NAALADL2: variants seen among roughly 807,000 people sequenced by gnomAD.
NAALADL2 encodes the protein N-acetylated alpha-linked acidic dipeptidase like 2.
NAALADL2 carries 76 observed loss-of-function variants against 87.2 expected under a neutral mutation model. The ratio of observed to expected loss-of-function variants is 0.87; its 90% CI spans 0.72 to 1.05. NAALADL2 has a LOEUF of 1.05. Ranked by LOEUF, NAALADL2 falls within the 50% of genes least tolerant of loss-of-function variation. The probability of loss-of-function intolerance (pLI) is 0.00; values close to 1 mark genes in which losing one functional copy is unlikely to be tolerated. For synonymous variants in NAALADL2, 354 were observed against 331.0 expected (o/e 1.07, Z -0.75); for missense variants, 1,089 against 945.8 (o/e 1.15, Z -1.99).
intron 1 of NAALADL2, chr3:174,513,373 T>A (rs1054411952): frequency 2.0e-5 from 3 of 152,318 alleles, no homozygotes; most frequent in African/African-American, 7.2e-5. Flanking sequence ...TTTTCACCAG[T>A]ACATACCAAT....
intron 2 of NAALADL2, among the ~76,000 whole-genome samples, chr3:174,713,443 C>G (rs925086699): frequency 1.3e-5 from 2 of 152,156 alleles, no homozygotes; most frequent in Non-Finnish European, 2.9e-5. Context: ...GTTCCTATTT[C>G]TCCACATCCT....
intron 5 of NAALADL2, among the ~76,000 whole-genome samples, chr3:175,381,500 C>G: frequency 6.6e-6 from 1 of 152,024 alleles, no homozygotes; most frequent in Middle Eastern, 3.5e-3. Context: ...TAATAATCTT[C>G]TTAAATTATT....
At chr3:175,511,481 A>T (rs1161177369) in intron 9 of NAALADL2, among the ~76,000 whole-genome samples, 1 of 152,244 alleles carries the variant, frequency 6.6e-6, no homozygotes, top group Non-Finnish European at 1.5e-5. Context: ...CAGTAAGAAG[A>T]GAGCCATCTG....
At chr3:175,385,691 A>G (rs941377330) in intron 5 of NAALADL2, among the ~76,000 whole-genome samples, 4 of 152,196 alleles carry the variant, frequency 2.6e-5, no homozygotes, top group African/African-American at 7.2e-5. Flanking sequence ...AATTACCTTG[A>G]TTTGAGTATA....
At chr3:175,250,621 C>T (rs1419193952) in intron 3 of NAALADL2, among the ~76,000 whole-genome samples, 1 of 152,112 alleles carries the variant, frequency 6.6e-6, no homozygotes, top group African/African-American at 2.4e-5. Context: ...CCCATTGTTC[C>T]TTCCAATGAA....
chr3:174,536,623 C>A (rs1049078171), intron 1 of NAALADL2: 1 of 152,164 alleles, frequency 6.6e-6, no homozygotes, highest in Non-Finnish European at 1.5e-5. Context: ...TGTTTTAGAT[C>A]TCCCAGCTGG....
intron 2 of NAALADL2, among the ~76,000 whole-genome samples, chr3:174,696,141 A>G (rs533765503): frequency 6.6e-6 from 1 of 152,166 alleles, no homozygotes; most frequent in South Asian, 2.1e-4. Flanking sequence ...CTGGATAGTG[A>G]GGTGTAATGG....
At chr3:175,497,260 T>A (rs1415078866) in intron 9 of NAALADL2, among the ~76,000 whole-genome samples, 1 of 152,110 alleles carries the variant, frequency 6.6e-6, no homozygotes, top group Non-Finnish European at 1.5e-5. Context: ...CTGGTTTTTA[T>A]AGCTCAGCCC....
intron 2 of NAALADL2, among the ~76,000 whole-genome samples, chr3:174,712,289 C>G (rs2108918999): frequency 6.6e-6 from 1 of 151,654 alleles, no homozygotes; most frequent in South Asian, 2.1e-4. Context: ...GTACGTCTGG[C>G]TCCTCTTCTT....
intron 2 of NAALADL2, among the ~76,000 whole-genome samples, chr3:174,576,506 T>A (rs988543294): frequency 2.0e-5 from 3 of 152,216 alleles, no homozygotes; most frequent in African/African-American, 7.2e-5. Flanking sequence ...AATATTTCTA[T>A]TTAGATATTA....
chr3:175,292,706 A>G (rs1342332905), intron 4 of NAALADL2, among the ~76,000 whole-genome samples: 1 of 151,772 alleles, frequency 6.6e-6, no homozygotes, highest in African/African-American at 2.4e-5. Context: ...ATTGATCACC[A>G]TGAGGTAGGC....
rs142905062 is a variant in NAALADL2, at chr3:175,269,959, A to G, written c.939+13429A>G. On this transcript the variant is annotated intron_variant, in intron 4 of 13. Coordinates refer to ENST00000454872, the MANE Select transcript of NAALADL2 (RefSeq NM_207015.3). ...AGATAAAGGAAATGTAAGAAAATTA[A>G]TAACTGGTGAAGTCAGGTAATAAAT... 1.2e-4 allele frequency among the ~76,000 whole-genome samples: 19 copies of G among 152,334 alleles called. 1 individual carries two copies. In the East Asian group the frequency reaches 2.3e-3, roughly 19 times the overall value.
At chr3:175,213,271 G>T (rs1314034323) in intron 2 of NAALADL2, among the ~76,000 whole-genome samples, 1 of 151,944 alleles carries the variant, frequency 6.6e-6, no homozygotes, top group Admixed American at 6.6e-5. Flanking sequence ...AATAGAGATA[G>T]GCTGTGACAA....
intron 11 of NAALADL2, among the ~76,000 whole-genome samples, chr3:175,705,931 C>G (rs889971825): frequency 6.6e-5 from 10 of 152,092 alleles, no homozygotes; most frequent in African/African-American, 2.4e-4. Context: ...AGCAATGTCT[C>G]TAAGAAAGGA....
intron 3 of NAALADL2, among the ~76,000 whole-genome samples, chr3:174,816,852 A>G (rs1720866881): frequency 6.6e-6 from 1 of 152,220 alleles, no homozygotes; most frequent in South Asian, 2.1e-4. Context: ...TTCTAAAACC[A>G]GCTCAATGAT....
chr3:175,224,851 T>C (rs753309487), intron 2 of NAALADL2, among the ~76,000 whole-genome samples: 1 of 152,218 alleles, frequency 6.6e-6, no homozygotes, highest in Non-Finnish European at 1.5e-5. Context: ...GAACTTATAA[T>C]TTTCGTTTTT....
intron 11 of NAALADL2, among the ~76,000 whole-genome samples, chr3:175,646,867 A>C (rs78958561): frequency 6.6e-6 from 1 of 152,172 alleles, no homozygotes; most frequent in East Asian, 1.9e-4. Flanking sequence ...CCGAGTGTTA[A>C]ATTCCCCATT....
chr3:174,677,837 C>G (rs1419160717), intron 2 of NAALADL2, among the ~76,000 whole-genome samples: 1 of 151,010 alleles, frequency 6.6e-6, no homozygotes, highest in Non-Finnish European at 1.5e-5. Flanking sequence ...AGCACTTCAG[C>G]ACTATGCTTG....
chr3:174,570,247 C>A (rs981191761), intron 2 of NAALADL2, among the ~76,000 whole-genome samples: 1 of 151,468 alleles, frequency 6.6e-6, no homozygotes, highest in Non-Finnish European at 1.5e-5. Flanking sequence ...AGCCTGGTCT[C>A]ATTTATTTTT....
Sources: allele counts gnomAD v4.1 joint callset (sites outside exome capture counted in the v4.1 genomes callset), GRCh38; gene constraint gnomAD v4.1.1; transcripts MANE v1.5; gene names NCBI Gene and HGNC (gene_info 2026-07-23, HGNC 2026-07-21).